The following TENM1 variants were observed in gnomAD, a reference collection of about 807,000 sequenced individuals.
TENM1 encodes teneurin transmembrane protein 1, also known as teneurin-1.
Under a neutral mutation model 174.8 loss-of-function variants are expected in TENM1, and 35 were observed. The ratio of observed to expected loss-of-function variants is 0.20; its 90% CI spans 0.15 to 0.27. TENM1 has a LOEUF of 0.27. Ranked by LOEUF, TENM1 falls within the 10% of genes least tolerant of loss-of-function variation. The probability of loss-of-function intolerance (pLI) is 1.00; values close to 1 mark genes in which losing one functional copy is unlikely to be tolerated. For missense variants in TENM1, 1,633 were observed against 2,130.1 expected (o/e 0.77, Z 4.59); for synonymous variants, 781 against 798.7 (o/e 0.98, Z 0.37).
the TENM1 span, among the ~76,000 whole-genome samples, chrX:125,082,701 T>G: frequency 9.0e-6 from 1 of 111,431 alleles, no homozygotes; most frequent in Non-Finnish European, 1.9e-5. Context: ...CCAGGTGCAT[T>G]ACATCATTTT....
At chrX:124,709,274 A>G (rs1238037699) in intron 4 of TENM1, among the ~76,000 whole-genome samples, 2 of 111,449 alleles carry the variant, frequency 1.8e-5, no homozygotes, top group African/African-American at 6.5e-5. Context: ...CCTTGGCCCC[A>G]CAGCTAGTAA....
intron 1 of TENM1, among the ~76,000 whole-genome samples, chrX:124,899,595 C>T (rs546933977): frequency 4.5e-5 from 5 of 111,580 alleles, no homozygotes; most frequent in Admixed American, 9.5e-5. Context: ...TGAGTGCATA[C>T]GTCTTTATGG....
chrX:124,831,063 C>T (rs886733501), intron 3 of TENM1, among the ~76,000 whole-genome samples: 14 of 111,814 alleles, frequency 1.3e-4, no homozygotes, highest in African/African-American at 3.2e-4. Context: ...CTGCATTTCC[C>T]TTGTCTTTTT....
At chrX:124,844,426 G>A (rs1245879633) in intron 3 of TENM1, among the ~76,000 whole-genome samples, 1 of 111,444 alleles carries the variant, frequency 9.0e-6, no homozygotes, top group African/African-American at 3.3e-5. Flanking sequence ...TCCCTAAGAG[G>A]AAGTTCCCCT....
chrX:125,037,075 G>A, the TENM1 span, among the ~76,000 whole-genome samples: 1 of 111,601 alleles, frequency 9.0e-6, no homozygotes, highest in African/African-American at 3.2e-5. Flanking sequence ...ATATTTTACA[G>A]ATGAGGATAT....
chrX:124,523,422 G>C, exon 17 of TENM1: 1 of 1,211,366 alleles, frequency 8.3e-7, no homozygotes, highest in Middle Eastern at 2.3e-4. Context: ...TGATGTGAGC[G>C]GTGAAGGAAG....
intron 11 of TENM1, among the ~76,000 whole-genome samples, chrX:124,615,740 G>C (rs1478127793): frequency 9.0e-6 from 1 of 111,413 alleles, no homozygotes. Context: ...ACAGCTACTT[G>C]ATGACTTTTG....
chrX:125,148,580 C>A, the TENM1 span, among the ~76,000 whole-genome samples: 1 of 111,834 alleles, frequency 8.9e-6, no homozygotes, highest in Non-Finnish European at 1.9e-5. Flanking sequence ...AAGTCTGTCT[C>A]TAACTCTAAT....
At chrX:124,897,516 A>T (rs982028072) in intron 1 of TENM1, among the ~76,000 whole-genome samples, 3 of 112,136 alleles carry the variant, frequency 2.7e-5, no homozygotes, top group Non-Finnish European at 5.6e-5. Flanking sequence ...GCAGAATATG[A>T]ATATATTTTT....
intron 3 of TENM1, among the ~76,000 whole-genome samples, chrX:124,826,408 CAA>C (rs761123183): frequency 6.8e-5 from 5 of 73,576 alleles, no homozygotes; most frequent in Admixed American, 1.6e-4. Flanking sequence ...GACCCTGTCT[CAA>C]AAAAAAAAAA....
At chrX:125,029,858 C>G in the TENM1 span, among the ~76,000 whole-genome samples, 1 of 111,501 alleles carries the variant, frequency 9.0e-6, no homozygotes, top group East Asian at 2.8e-4. Context: ...GGGTAGGGCA[C>G]TGATCACAAT....
chrX:124,754,595 G>T (rs1171998029), intron 3 of TENM1, among the ~76,000 whole-genome samples: 3 of 111,159 alleles, frequency 2.7e-5, no homozygotes, highest in East Asian at 2.8e-4. Context: ...GTCAGTTTTT[G>T]ATCTTTTCTG....
chrX:125,091,193 G>T, the TENM1 span, among the ~76,000 whole-genome samples: 10 of 110,132 alleles, frequency 9.1e-5, no homozygotes, highest in East Asian at 2.6e-3. Flanking sequence ...GGTAAAACAC[G>T]CCTGTTACTC....
At chrX:125,114,031 T>C in the TENM1 span, among the ~76,000 whole-genome samples, 1 of 111,099 alleles carries the variant, frequency 9.0e-6, no homozygotes, top group Non-Finnish European at 1.9e-5. Flanking sequence ...CCTCAGCAAA[T>C]GCAAAAGAAC....
At chrX:124,525,409 A>C (rs780762389) in intron 16 of TENM1, among the ~76,000 whole-genome samples, 1 of 112,394 alleles carries the variant, frequency 8.9e-6, no homozygotes, top group South Asian at 3.6e-4. Context: ...CTACTTGTCA[A>C]GAAACCTTTC....
rs2057912632 is a variant in TENM1, at chrX:124,915,753, A to G, written c.218-19512T>C. ...GATGATTGCATGAGTGTAGCTTCAC[A>G]CGGAGTGCTTTGCTCAGTAAATATT... On this transcript the variant is annotated intron_variant, in intron 1 of 31. Coordinates refer to ENST00000422452, the Ensembl canonical transcript of TENM1. Among the ~76,000 whole-genome samples, 3 of 107,134 alleles carry G rather than the reference A, an allele frequency of 2.8e-5. No individual in the cohort carries two copies. The South Asian group carries it at 1.2e-3, about 43-fold the overall frequency. 93.0% of individuals were successfully genotyped at this position (107,134 alleles called of 115,157 possible).
intron 5 of TENM1, among the ~76,000 whole-genome samples, chrX:124,689,902 C>G (rs1205734738): frequency 9.0e-6 from 1 of 110,934 alleles, no homozygotes; most frequent in Non-Finnish European, 1.9e-5. Flanking sequence ...TGTGGTGTCT[C>G]TCTCAAAATA....
chrX:124,617,432 A>G (rs1413752596), intron 11 of TENM1, among the ~76,000 whole-genome samples: 1 of 112,000 alleles, frequency 8.9e-6, no homozygotes, highest in Non-Finnish European at 1.9e-5. Context: ...TTGACTAGAT[A>G]TAACACAAAG....
upstream of TENM1, among the ~76,000 whole-genome samples, chrX:124,964,446 T>G (rs1442532233): frequency 9.0e-6 from 1 of 111,621 alleles, no homozygotes; most frequent in African/African-American, 3.3e-5. Flanking sequence ...AAATTTTTGT[T>G]CTTCATAGTA....
Sources: gnomAD v4.1 joint callset for allele counts (sites outside exome capture counted in the v4.1 genomes callset) on GRCh38, gnomAD v4.1.1 for gene constraint, MANE v1.5 for transcripts, NCBI Gene and HGNC (gene_info 2026-07-23, HGNC 2026-07-21) for gene names.